Variants in DRAP1 observed in about 807,000 individuals in gnomAD.
The protein encoded by DRAP1 is DR1 associated protein 1, also known as dr1-associated corepressor.
In DRAP1, 10 loss-of-function variants were observed where a neutral mutation model predicts 24.1. That is an observed-to-expected ratio of 0.41 (90% CI 0.26 to 0.70). DRAP1 has a LOEUF of 0.70. Ranked by LOEUF, DRAP1 falls within the 30% of genes least tolerant of loss-of-function variation. The pLI is 0.29. For synonymous variants in DRAP1, 122 were observed against 113.8 expected, an observed-to-expected ratio of 1.07 and a Z score of -0.46; for missense variants, 264 against 275.6, an observed-to-expected ratio of 0.96 and a Z score of 0.30.
At chr11:65,919,693 C>T (rs1854522845) in intron 1 of DRAP1, 87 bp from the exon 2 acceptor site, 2 of 1,567,092 alleles carry the variant, frequency 1.3e-6, no homozygotes, top group East Asian at 4.6e-5. Flanking sequence ...TCCCCCGCCC[C>T]CTTTCTCCGG....
intron 3 of DRAP1, 142 bp from the exon 4 acceptor site, chr11:65,920,201 C>G: frequency 6.9e-7 from 1 of 1,443,444 alleles, no homozygotes. Context: ...GCAGAGGGAG[C>G]CACCTGAGTA....
chr11:65,919,749 C>T (rs1406878754), intron 1 of DRAP1, 31 bp from the exon 2 acceptor site: 2 of 1,612,358 alleles, frequency 1.2e-6, no homozygotes, highest in Non-Finnish European at 1.7e-6. Context: ...ACGGTGGCGA[C>T]GGGGTCTGAA....
At chr11:65,921,208 C>A in intron 6 of DRAP1, 122 bp from the exon 7 acceptor site, 1 of 737,598 alleles carries the variant, frequency 1.4e-6, no homozygotes, top group Non-Finnish European at 2.3e-6. Context: ...TGGGCCTTGG[C>A]CGCATGGATC....
Position 65,919,426 on chromosome 11 carries a change from G to A in DRAP1, c.-76G>A. The A allele has an allele frequency of 6.9e-7, 1 of 1,454,296 alleles. No homozygotes were observed. The highest frequency in any genetic ancestry group is 9.0e-7 in the Non-Finnish European group (1 of 1,105,708). 90.1% of individuals were successfully genotyped at this position (1,454,296 alleles called of 1,614,324 possible). A position where few individuals can be genotyped will look rare whatever the true frequency, so the allele number is the denominator to read the frequency against. ...AGGACCCAGGGGAACCGCGACGGGC[G>A]GGCGGCGAGCAGGCCCGGGAGCCGG... is the stretch of plus-strand genomic sequence containing the variant. On this transcript the variant is annotated 5_prime_UTR_variant, in exon 1 of 7. Transcript: ENST00000312515.
chr11:65,920,768 T>C, intron 5 of DRAP1, 106 bp downstream of exon 5: 1 of 1,451,290 alleles, frequency 6.9e-7, no homozygotes, highest in Non-Finnish European at 9.3e-7. Context: ...CTGCAACCTG[T>C]TTGCTCACTG....
At position 65,920,900 on chromosome 11, in the gene DRAP1, C is replaced by G; in HGVS notation, c.440C>G (p.Thr147Arg). The G allele has an allele frequency of 6.2e-7, 1 of 1,613,228 alleles. No individual in the cohort carries two copies. The highest frequency in any genetic ancestry group is 8.5e-7 in the Non-Finnish European group (1 of 1,179,552). ...TGCTCACAGGATGAATCTGAGGACA[C>G]AGATACTGATGGGGAAGAGGAGACA... ...DSEQEDESEDTDTDGEEETSQ... is the reference protein window; with the variant it reads ...DSEQEDESEDRDTDGEEETSQ... Residue 147 changes from threonine (T) to arginine (R), a missense_variant, in exon 6 of 7, where the codon ACA becomes AGA. Physicochemically the swap from Thr to Arg is moderately conservative, Grantham distance 71. Transcript: ENST00000312515.
At chr11:65,920,522 C>T (rs1412030383) in intron 4 of DRAP1, 47 bp from the exon 5 acceptor site, 2 of 1,610,986 alleles carry the variant, frequency 1.2e-6, no homozygotes, top group Non-Finnish European at 8.5e-7. Flanking sequence ...TGGGGGTGGC[C>T]AAGGAGTAGG....
chr11:65,920,673 C>T lies in DRAP1; in HGVS notation c.423+11C>T. On this transcript the variant is annotated intron_variant, in intron 5 of 6. Transcript: ENST00000312515. ...GACTCGGAGCAGGAGGTGAGTGAGG[C>T]CCCAGCCCTTCGCCCTGCCCTTGGT... is the stretch of plus-strand genomic sequence containing the variant. The T allele has an allele frequency of 6.8e-7, 1 of 1,476,668 alleles. No individual in the cohort carries two copies. 91.5% of individuals were successfully genotyped at this position (1,476,668 alleles called of 1,614,324 possible).
intron 1 of DRAP1, 25 bp downstream of exon 1, chr11:65,919,568 G>A (rs1367461727): frequency 6.5e-7 from 1 of 1,548,424 alleles, no homozygotes; most frequent in Non-Finnish European, 8.7e-7. Flanking sequence ...GAGCCCGGCA[G>A]GAGTGGGCCC....
intron 2 of DRAP1, 41 bp from the exon 3 acceptor site, chr11:65,919,907 T>TCC (rs747535664): frequency 1.1e-5 from 18 of 1,613,048 alleles, no homozygotes; most frequent in Non-Finnish European, 2.5e-6. Flanking sequence ...AGGCAGCGGG[T>TCC]CGCCCTCTCC....
At chr11:65,921,072 AT>A in intron 6 of DRAP1, 100 bp downstream of exon 6, 1 of 918,140 alleles carries the variant, frequency 1.1e-6, no homozygotes, top group Non-Finnish European at 1.6e-6. Flanking sequence ...ATTGTGGCAG[AT>A]TTGTGGGGTG....
At chr11:65,919,659 C>T (rs1854522211) in intron 1 of DRAP1, 116 bp downstream of exon 1, 1 of 1,519,882 alleles carries the variant, frequency 6.6e-7, no homozygotes, top group East Asian at 2.4e-5. Context: ...GCCCCGCCCC[C>T]TCCATGCCCT....
Position 65,920,881 on chromosome 11 carries a change from C to T in DRAP1, c.424-3C>T. 2 of 1,611,190 alleles carry T rather than the reference C, an allele frequency of 1.2e-6. No individual in the cohort carries two copies. Among genetic ancestry groups the T allele is most frequent in the South Asian group, 2.2e-5 (2 of 90,720 alleles). On this transcript the variant is annotated splice_region_variant and splice_polypyrimidine_tract_variant and intron_variant, in intron 5 of 6. Coordinates refer to ENST00000312515, the MANE Select transcript of DRAP1 (RefSeq NM_006442.4). Reference sequence around the variant, plus strand: ...TCAACTCTGACCTCTGCGGTGCTCACAGGATGAATCTGAGGACACAGATAC... The same window carrying T: ...TCAACTCTGACCTCTGCGGTGCTCATAGGATGAATCTGAGGACACAGATAC...
Position 65,920,582 on chromosome 11 carries a change from G to A in DRAP1, c.343G>A (p.Gly115Ser). The A allele has an allele frequency of 6.3e-7, 1 of 1,588,518 alleles. No individual in the cohort carries two copies. The highest frequency in any genetic ancestry group is 1.1e-5 in the South Asian group (1 of 88,102). The change falls in exon 5 of 7, where the codon GGC becomes AGC. Residue 115 changes from glycine to serine, a missense_variant. Around this residue, in one of 2 missense-constraint regions of DRAP1, gnomAD observed 243 missense variants for 233.6 expected, o/e 1.04. Transcript: ENST00000312515. ...ACCTTCCCAAAGGGGCCGGAAGCCA[G>A]GCAGCGGCGGCCGGAAGAACGGTGG... ...DKGARRGRKP[G>S]SGGRKNGGMG... is the part of the protein sequence containing the mutation.
Position 65,920,646 on chromosome 11 carries a change from C to T in DRAP1, c.407C>T (p.Thr136Ile). ...TKSKDKKLSG[T>I]DSEQEDESED... ...AGCAAGGACAAGAAGCTGTCCGGGACAGACTCGGAGCAGGAGGTGAGTGAG... is the reference window on the plus strand; with the variant it reads ...AGCAAGGACAAGAAGCTGTCCGGGATAGACTCGGAGCAGGAGGTGAGTGAG... The change falls in exon 5 of 7, where the codon ACA becomes ATA. Residue 136 changes from threonine (T) to isoleucine (I), a missense_variant. By Grantham distance (89) the Thr-to-Ile change is moderately conservative (BLOSUM62 -1). This residue lies in a region of DRAP1 where 243 missense variants were observed against 233.6 expected (regional missense o/e 1.04). Transcript: ENST00000312515. The T allele has an allele frequency of 6.7e-7, 1 of 1,501,656 alleles. No individual in the cohort carries two copies. Among genetic ancestry groups the T allele is most frequent in the South Asian group, 1.3e-5 (1 of 76,084 alleles). 93.0% of individuals were successfully genotyped at this position (1,501,656 alleles called of 1,614,324 possible).
At chr11:65,921,027 C>A in intron 6 of DRAP1, 55 bp downstream of exon 6, 1 of 1,376,390 alleles carries the variant, frequency 7.3e-7, no homozygotes, top group East Asian at 2.4e-5. Flanking sequence ...AGCCAACTTA[C>A]CCCTCTTGTT....
At chr11:65,919,677 T>C (rs1163724561) in intron 1 of DRAP1, 103 bp from the exon 2 acceptor site, 1 of 1,524,070 alleles carries the variant, frequency 6.6e-7, no homozygotes, top group Non-Finnish European at 8.9e-7. Flanking sequence ...CCTCCCCGCG[T>C]CCGTGTCCCC....
intron 3 of DRAP1, 92 bp downstream of exon 3, chr11:65,920,133 G>T: frequency 6.6e-7 from 1 of 1,510,066 alleles, no homozygotes; most frequent in Admixed American, 2.0e-5. Context: ...AGGGAGGTGG[G>T]CGGCAGCCGG....
chr11:65,920,423 G>A lies in DRAP1; in HGVS notation c.290G>A (p.Gly97Glu). Residue 97 changes from glycine to glutamate, a missense_variant, in exon 4 of 7, where the codon GGG becomes GAG. By Grantham distance (98) the Gly-to-Glu change is moderately conservative. This residue lies in a region of DRAP1 where 243 missense variants were observed against 233.6 expected (regional missense o/e 1.04). Transcript: ENST00000312515. ...VASVPDMQGD[G>E]EDNHMDGDKG... ...TCTGTTCCCGACATGCAGGGGGACG[G>A]GGAAGACAACCACATGGATGGGGAC... 2 of 1,614,154 alleles carry A rather than the reference G, an allele frequency of 1.2e-6. No individual in the cohort carries two copies. The highest frequency in any genetic ancestry group is 1.7e-6 in the Non-Finnish European group (2 of 1,180,032).
Sources: gnomAD v4.1 joint callset for allele counts on GRCh38, gnomAD v4.1.1 for gene constraint, gnomAD v4.1.1 regional missense constraint, MANE v1.5 for transcripts, NCBI Gene and HGNC (gene_info 2026-07-23, HGNC 2026-07-21) for gene names.